The following PGGT1B variants were observed in gnomAD, a reference collection of about 807,000 sequenced individuals.
PGGT1B encodes geranylgeranyl transferase type-1 subunit beta.
PGGT1B carries 30 observed loss-of-function variants against 46.1 expected under a neutral mutation model. That is an observed-to-expected ratio of 0.65 (90% CI 0.49 to 0.88). The LOEUF (loss-of-function observed/expected upper bound fraction) is 0.88, where lower values mean the gene tolerates loss of function less well. Ranked by LOEUF, PGGT1B falls within the 40% of genes least tolerant of loss-of-function variation. PGGT1B has a pLI of 0.00. For missense variants in PGGT1B, 376 were observed against 455.9 expected, an observed-to-expected ratio of 0.82 and a Z score of 1.60; for synonymous variants, 170 against 160.0, an observed-to-expected ratio of 1.06 and a Z score of -0.47.
At position 115,204,103 on chromosome 5, in the gene PGGT1B, C is replaced by T. The variant is rs891193801; in HGVS notation, c.*8299G>A. On this transcript the variant is annotated 3_prime_UTR_variant, in exon 9 of 9. Coordinates refer to ENST00000419445, the MANE Select transcript of PGGT1B (RefSeq NM_005023.4). ...GTTTTTCGGGGGTAGGAGTAAAGAT[C>T]ACATTGTTGAATTATAAAGAGCTTA... is the stretch of plus-strand genomic sequence containing the variant. 1.3e-5 allele frequency: 2 copies of T among 152,096 alleles called. No individual in the cohort carries two copies. The highest frequency in any genetic ancestry group is 4.8e-5 in the African/African-American group (2 of 41,418). 9.4% of individuals were successfully genotyped at this position (152,096 alleles called of 1,614,324 possible).
At chr5:115,224,833 C>CAAAA (rs551706210) in intron 6 of PGGT1B, among the ~76,000 whole-genome samples, 4 of 65,768 alleles carry the variant, frequency 6.1e-5, no homozygotes, top group Admixed American at 3.2e-4. Context: ...GACTATGTCT[C>CAAAA]AAAAAAAAAA....
chr5:115,251,738 G>C (rs1748110328), intron 2 of PGGT1B, among the ~76,000 whole-genome samples: 1 of 151,668 alleles, frequency 6.6e-6, no homozygotes, highest in African/African-American at 2.4e-5. Flanking sequence ...AGAACTTAGG[G>C]AATAGCTTTC....
chr5:115,231,641 A>C (rs555735796), intron 5 of PGGT1B: 1 of 152,180 alleles, frequency 6.6e-6, no homozygotes, highest in East Asian at 1.9e-4. Flanking sequence ...CTTTGCAGAG[A>C]GCAAGGGTGA....
At chr5:115,216,342 G>A (rs993041428) in intron 8 of PGGT1B, among the ~76,000 whole-genome samples, 3 of 152,032 alleles carry the variant, frequency 2.0e-5, no homozygotes, top group Admixed American at 6.6e-5. Context: ...GTTTCAACAC[G>A]TTGGCCAGGC....
intron 5 of PGGT1B, 41 bp downstream of exon 5, chr5:115,236,349 C>A (rs200570888): frequency 6.5e-7 from 1 of 1,543,248 alleles, no homozygotes; most frequent in Non-Finnish European, 8.8e-7. Context: ...CATGTACCAG[C>A]AAAAACAACC....
chr5:115,243,763 C>T (rs1380564781), intron 2 of PGGT1B, among the ~76,000 whole-genome samples: 2 of 152,134 alleles, frequency 1.3e-5, no homozygotes, highest in African/African-American at 2.4e-5. Flanking sequence ...AGGATGCTGG[C>T]AGAATCAACT....
intron 2 of PGGT1B, among the ~76,000 whole-genome samples, chr5:115,244,876 C>G (rs970988958): frequency 2.6e-5 from 4 of 152,146 alleles, no homozygotes; most frequent in Admixed American, 6.5e-5. Context: ...CAGGCAGGAG[C>G]CCACCGCACC....
At chr5:115,244,423 C>T (rs1027568898) in intron 2 of PGGT1B, among the ~76,000 whole-genome samples, 4 of 130,420 alleles carry the variant, frequency 3.1e-5, no homozygotes, top group East Asian at 2.4e-4. Flanking sequence ...TAAGATCGGG[C>T]CACTGCACTC....
At chr5:115,240,391 G>A (rs944791280) in intron 3 of PGGT1B, among the ~76,000 whole-genome samples, 3 of 152,072 alleles carry the variant, frequency 2.0e-5, no homozygotes, top group Non-Finnish European at 2.9e-5. Flanking sequence ...ACTATATAAC[G>A]GTCATCATAA....
chr5:115,262,591 C>G (rs1322076186), intron 1 of PGGT1B, 121 bp downstream of exon 1: 5 of 1,114,812 alleles, frequency 4.5e-6, no homozygotes, highest in Non-Finnish European at 6.5e-6. Flanking sequence ...TGAAACCAGT[C>G]AGTGCCAACT....
chr5:115,254,252 A>AT (rs1459263410), intron 1 of PGGT1B, among the ~76,000 whole-genome samples: 1 of 151,974 alleles, frequency 6.6e-6, no homozygotes, highest in Non-Finnish European at 1.5e-5. Context: ...AGTATCCCTT[A>AT]TCTGAAATGC....
intron 2 of PGGT1B, among the ~76,000 whole-genome samples, chr5:115,246,716 T>G (rs1166165475): frequency 6.6e-6 from 1 of 152,170 alleles, no homozygotes; most frequent in Non-Finnish European, 1.5e-5. Flanking sequence ...TTAAAAAGCA[T>G]GAGGATAGGG....
intron 6 of PGGT1B, among the ~76,000 whole-genome samples, chr5:115,225,188 GCAAATA>G (rs979957979): frequency 1.3e-5 from 2 of 152,092 alleles, no homozygotes; most frequent in Non-Finnish European, 2.9e-5. Context: ...GAATATTAAG[GCAAATA>G]CAAATAAAAG....
At chr5:115,243,182 G>T (rs1208127339) in intron 2 of PGGT1B, among the ~76,000 whole-genome samples, 1 of 152,142 alleles carries the variant, frequency 6.6e-6, no homozygotes, top group Non-Finnish European at 1.5e-5. Context: ...TATAACAGAA[G>T]TTATAAAAAC....
intron 8 of PGGT1B, among the ~76,000 whole-genome samples, chr5:115,213,023 C>T (rs1756285731): frequency 6.6e-6 from 1 of 152,088 alleles, no homozygotes; most frequent in African/African-American, 2.4e-5. Flanking sequence ...TTGCAATATC[C>T]CTCGCTCCAC....
chr5:115,220,443 A>G (rs1756553333), intron 7 of PGGT1B, among the ~76,000 whole-genome samples: 1 of 151,848 alleles, frequency 6.6e-6, no homozygotes, highest in African/African-American at 2.4e-5. Context: ...TACCAGGCTG[A>G]GGGGAAAGAA....
chr5:115,248,148 T>A (rs1747933204), intron 2 of PGGT1B, among the ~76,000 whole-genome samples: 4 of 152,186 alleles, frequency 2.6e-5, no homozygotes, highest in Admixed American at 2.6e-4. Context: ...AAACACTTAA[T>A]CCTAATAATT....
chr5:115,213,966 T>C (rs1356082293), intron 8 of PGGT1B, among the ~76,000 whole-genome samples: 2 of 152,206 alleles, frequency 1.3e-5, no homozygotes, highest in East Asian at 3.8e-4. Context: ...TTTAGGCCTT[T>C]TCAGAAAATA....
chr5:115,236,564 AC>A, intron 4 of PGGT1B, 42 bp from the exon 5 acceptor site: 1 of 1,417,688 alleles, frequency 7.1e-7, no homozygotes, highest in Non-Finnish European at 9.3e-7. Context: ...TTAACACTGG[AC>A]TCTGATTTTT....
Sources: gnomAD v4.1 joint callset for allele counts (sites outside exome capture counted in the v4.1 genomes callset) on GRCh38, gnomAD v4.1.1 for gene constraint, MANE v1.5 for transcripts, NCBI Gene and HGNC (gene_info 2026-07-23, HGNC 2026-07-21) for gene names.